FNIP2: variants seen among roughly 807,000 people sequenced by gnomAD.
FNIP2 encodes folliculin-interacting protein 2.
A neutral mutation model predicts 108.7 loss-of-function variants in FNIP2; 32 were observed. That is an observed-to-expected ratio of 0.29 (90% confidence interval 0.22 to 0.40). The LOEUF (loss-of-function observed/expected upper bound fraction) is 0.40, where lower values mean the gene tolerates loss of function less well. Among genes scored for constraint, FNIP2 ranks in the 10% least tolerant of loss-of-function variants. The probability of loss-of-function intolerance (pLI) is 1.00; values close to 1 mark genes in which losing one functional copy is unlikely to be tolerated. For synonymous variants in FNIP2, 480 were observed against 496.7 expected (o/e 0.97, Z 0.45); for missense variants, 1,202 against 1,381.6 (o/e 0.87, Z 2.06).
intron 8 of FNIP2, among the ~76,000 whole-genome samples, chr4:158,852,480 A>G (rs1483471772): frequency 6.6e-6 from 1 of 152,226 alleles, no homozygotes; most frequent in Non-Finnish European, 1.5e-5. Context: ...TTGTGTGAAC[A>G]CAAGTCCTAG....
At chr4:158,848,902 G>A (rs2126644161) in intron 7 of FNIP2, among the ~76,000 whole-genome samples, 1 of 152,174 alleles carries the variant, frequency 6.6e-6, no homozygotes, top group East Asian at 1.9e-4. Flanking sequence ...AGGGAAAACT[G>A]TCCCTTTTTA....
chr4:158,863,234 A>G (rs1298247538), intron 12 of FNIP2, among the ~76,000 whole-genome samples: 1 of 152,276 alleles, frequency 6.6e-6, no homozygotes, highest in Non-Finnish European at 1.5e-5. Flanking sequence ...CCATTATTAC[A>G]AAGAAGTCGG....
At chr4:158,808,884 G>A (rs370391795) in intron 1 of FNIP2, among the ~76,000 whole-genome samples, 4 of 152,084 alleles carry the variant, frequency 2.6e-5, no homozygotes, top group South Asian at 2.1e-4. Flanking sequence ...GTAGAATCAC[G>A]TTGTATTATG....
intron 8 of FNIP2, among the ~76,000 whole-genome samples, chr4:158,853,753 G>T (rs914286342): frequency 6.6e-6 from 1 of 152,196 alleles, no homozygotes; most frequent in Non-Finnish European, 1.5e-5. Context: ...TTTTTTAAAA[G>T]ATTTAATTCT....
At position 158,864,533 on chromosome 4, in the gene FNIP2, G is replaced by A. The variant is rs147307867; in HGVS notation, c.1465+2757G>A. ...CTTTAAGATACTAAACTCTCTTCTC[G>A]TCTCCTTATTTTTGTTCTCTCTCAG... On this transcript the variant is annotated intron_variant, in intron 12 of 16. Transcript: ENST00000264433. Among the ~76,000 whole-genome samples the A allele has an allele frequency of 3.1e-4, 47 of 152,074 alleles. No homozygotes were observed. In the East Asian group the frequency reaches 3.5e-3, roughly 11 times the overall value.
intron 5 of FNIP2, among the ~76,000 whole-genome samples, chr4:158,833,271 A>G (rs1778582264): frequency 6.6e-6 from 1 of 152,224 alleles, no homozygotes. Context: ...ATTATATTAT[A>G]TGAAATTGTT....
intron 8 of FNIP2, among the ~76,000 whole-genome samples, chr4:158,856,913 G>A (rs933538658): frequency 1.1e-4 from 17 of 152,140 alleles, no homozygotes; most frequent in African/African-American, 3.4e-4. Context: ...AAGATACTAC[G>A]TGACCTGATT....
At chr4:158,837,685 T>C (rs1325105291) in intron 7 of FNIP2, among the ~76,000 whole-genome samples, 2 of 152,188 alleles carry the variant, frequency 1.3e-5, no homozygotes, top group Non-Finnish European at 2.9e-5. Flanking sequence ...AGAATGCTTT[T>C]TTGCAGTCCA....
At chr4:158,851,494 G>A (rs1367328009) in intron 8 of FNIP2, 44 bp downstream of exon 8, 1 of 1,602,986 alleles carries the variant, frequency 6.2e-7, no homozygotes, top group African/African-American at 1.3e-5. Context: ...AGGAGTGTAG[G>A]CAGCTTGATG....
chr4:158,821,984 G>C (rs548348803), intron 1 of FNIP2, among the ~76,000 whole-genome samples: 16 of 152,036 alleles, frequency 1.1e-4, no homozygotes, highest in African/African-American at 2.9e-4. Flanking sequence ...CAGCTACTTG[G>C]GGGGCTGAGA....
chr4:158,883,300 G>C (rs1483694992), intron 14 of FNIP2, among the ~76,000 whole-genome samples: 5 of 152,036 alleles, frequency 3.3e-5, no homozygotes, highest in African/African-American at 1.2e-4. Context: ...GGAGTGCAGT[G>C]GCGCAGTCTC....
intron 1 of FNIP2, among the ~76,000 whole-genome samples, chr4:158,803,114 A>G (rs1355653368): frequency 6.6e-6 from 1 of 152,192 alleles, no homozygotes; most frequent in African/African-American, 2.4e-5. Context: ...TCAACAACCT[A>G]TTGAACCGCA....
intron 15 of FNIP2, among the ~76,000 whole-genome samples, chr4:158,894,488 C>T (rs1019546063): frequency 6.6e-6 from 1 of 152,096 alleles, no homozygotes; most frequent in Non-Finnish European, 1.5e-5. Flanking sequence ...TGTCTAAATG[C>T]TTTGATTTCA....
chr4:158,873,156 AAAG>A (rs570732626), intron 14 of FNIP2, among the ~76,000 whole-genome samples: 3,046 of 151,734 alleles, frequency 0.02, 103 homozygotes, highest in African/African-American at 0.07. Flanking sequence ...AAAAAAAAAA[AAAG>A]AAAAAACAAA....
At chr4:158,792,158 T>C (rs1776441227) in intron 1 of FNIP2, among the ~76,000 whole-genome samples, 1 of 152,112 alleles carries the variant, frequency 6.6e-6, no homozygotes, top group Non-Finnish European at 1.5e-5. Context: ...TATTTGCAGA[T>C]TCCTTATTAG....
At chr4:158,776,134 A>T (rs529321473) in intron 1 of FNIP2, among the ~76,000 whole-genome samples, 1 of 152,340 alleles carries the variant, frequency 6.6e-6, no homozygotes, top group East Asian at 1.9e-4. Flanking sequence ...TGAAAATGAC[A>T]ACCAATTCAT....
chr4:158,864,912 CTCTTTCTTCCT>C (rs1265167020), intron 12 of FNIP2, among the ~76,000 whole-genome samples: 4 of 152,004 alleles, frequency 2.6e-5, no homozygotes, highest in Admixed American at 6.6e-5. Flanking sequence ...CTATTCTTCC[CTCTTTCTTCCT>C]AAGTTTCTTC....
intron 1 of FNIP2, among the ~76,000 whole-genome samples, chr4:158,791,483 TG>T (rs1776419240): frequency 1.3e-5 from 2 of 151,974 alleles, no homozygotes; most frequent in South Asian, 4.2e-4. Context: ...GGTTTCTCCA[TG>T]TTGGCCAGGC....
chr4:158,823,290 G>A (rs1424050161), intron 1 of FNIP2, among the ~76,000 whole-genome samples: 1 of 151,978 alleles, frequency 6.6e-6, no homozygotes, highest in Admixed American at 6.6e-5. Context: ...TTTAGAGACG[G>A]AATCTCCCTC....
Sources: allele counts gnomAD v4.1 joint callset (sites outside exome capture counted in the v4.1 genomes callset), GRCh38; gene constraint gnomAD v4.1.1; transcripts MANE v1.5; gene names NCBI Gene and HGNC (gene_info 2026-07-23, HGNC 2026-07-21).